ABLIM3: variants seen among roughly 807,000 people sequenced by gnomAD.
The protein encoded by ABLIM3 is actin binding LIM protein family member 3, also known as actin-binding LIM protein 3.
ABLIM3 carries 61 observed loss-of-function variants against 109.5 expected under a neutral mutation model. The ratio of observed to expected loss-of-function variants is 0.56; its 90% CI spans 0.45 to 0.69. The LOEUF (loss-of-function observed/expected upper bound fraction) is 0.69, where lower values mean the gene tolerates loss of function less well. Ranked by LOEUF, ABLIM3 falls within the 30% of genes least tolerant of loss-of-function variation. The probability of loss-of-function intolerance (pLI) is 0.00; values close to 1 mark genes in which losing one functional copy is unlikely to be tolerated. For synonymous variants in ABLIM3, 300 were observed against 324.8 expected (o/e 0.92, Z 0.82); for missense variants, 796 against 889.5 (o/e 0.89, Z 1.34).
chr5:149,251,178 A>G (rs1753888808), intron 20 of ABLIM3, among the ~76,000 whole-genome samples, 181 bp from the exon 21 acceptor site: 1 of 152,208 alleles, frequency 6.6e-6, no homozygotes, highest in East Asian at 1.9e-4. Flanking sequence ...AGTAGCCACC[A>G]TGTGCCAGGA....
chr5:149,185,843 A>G (rs1327280751), intron 3 of ABLIM3, among the ~76,000 whole-genome samples: 2 of 152,214 alleles, frequency 1.3e-5, no homozygotes, highest in South Asian at 2.1e-4. Flanking sequence ...TACGAAGGCT[A>G]AAAACGGAAA....
rs1282432591 is a variant in ABLIM3, at chr5:149,258,336, A to G, written c.1984A>G (p.Ile662Val). The part of the protein sequence containing the change: ...EEFYQVFGMT[I>V]SEFDRLALWK... ...GTTCTACCAAGTCTTTGGCATGACCATCTCTGAGTTTGACCGGCTGGCCCT... is the reference window on the plus strand; with the variant it reads ...GTTCTACCAAGTCTTTGGCATGACCGTCTCTGAGTTTGACCGGCTGGCCCT... Residue 662 changes from isoleucine to valine, a missense_variant, in exon 24 of 24, where the codon ATC (isoleucine) becomes GTC (valine). Coordinates refer to ENST00000309868, the MANE Select transcript of ABLIM3 (RefSeq NM_014945.5). 3.1e-6 allele frequency: 5 copies of G among 1,612,148 alleles called. No individual in the cohort carries two copies. Among genetic ancestry groups the G allele is most frequent in the Non-Finnish European group, 4.2e-6 (5 of 1,179,642 alleles).
chr5:149,171,442 G>T (rs971105890), intron 2 of ABLIM3, among the ~76,000 whole-genome samples: 1 of 152,180 alleles, frequency 6.6e-6, no homozygotes, highest in Admixed American at 6.5e-5. Flanking sequence ...CCATTTTATA[G>T]ATGGAGAAAC....
chr5:149,221,845 C>T (rs913245420), intron 8 of ABLIM3, among the ~76,000 whole-genome samples: 12 of 152,084 alleles, frequency 7.9e-5, no homozygotes, highest in African/African-American at 2.9e-4. Flanking sequence ...CTAAATGTGC[C>T]TGTACCCAGG....
chr5:149,173,988 C>T (rs542121823), intron 2 of ABLIM3, among the ~76,000 whole-genome samples: 2 of 144,120 alleles, frequency 1.4e-5, no homozygotes, highest in South Asian at 4.4e-4. Context: ...CGCCACTGCA[C>T]TCCAGCCTGG....
intron 8 of ABLIM3, 96 bp from the exon 9 acceptor site, chr5:149,230,553 A>G (rs1482494151): frequency 5.3e-6 from 7 of 1,318,228 alleles, no homozygotes; most frequent in African/African-American, 1.4e-5. Flanking sequence ...TGTGTAAGGG[A>G]CATACGCTGA....
intron 5 of ABLIM3, among the ~76,000 whole-genome samples, chr5:149,202,643 A>G (rs973401526): frequency 1.3e-5 from 2 of 152,244 alleles, no homozygotes; most frequent in Admixed American, 6.5e-5. Context: ...TTAAGCTACA[A>G]TTGTGATGTT....
chr5:149,163,900 G>A (rs1754601366), intron 2 of ABLIM3: 2 of 152,158 alleles, frequency 1.3e-5, no homozygotes, highest in South Asian at 4.1e-4. Context: ...TGCTTTTAGG[G>A]AAGATGGTTT....
intron 2 of ABLIM3, among the ~76,000 whole-genome samples, chr5:149,166,357 G>T (rs1392153227): frequency 6.6e-6 from 1 of 152,200 alleles, no homozygotes; most frequent in East Asian, 1.9e-4. Context: ...TTGGCATAGT[G>T]ATCATGCAGC....
chr5:149,166,499 G>A (rs1331815885), intron 2 of ABLIM3, among the ~76,000 whole-genome samples: 1 of 152,176 alleles, frequency 6.6e-6, no homozygotes, highest in Non-Finnish European at 1.5e-5. Context: ...ATGGGTAAGT[G>A]ACTTGCCCCA....
intron 2 of ABLIM3, among the ~76,000 whole-genome samples, chr5:149,145,805 A>C (rs1032007338): frequency 1.1e-4 from 13 of 115,552 alleles, no homozygotes; most frequent in Admixed American, 6.5e-4. Context: ...TTTTTTTTTG[A>C]GATAAGGTCT....
intron 2 of ABLIM3, among the ~76,000 whole-genome samples, chr5:149,157,260 C>T (rs951536697): frequency 6.6e-6 from 1 of 152,194 alleles, no homozygotes; most frequent in African/African-American, 2.4e-5. Context: ...GAATGATACT[C>T]AGACCAGAGA....
intron 8 of ABLIM3, chr5:149,217,765 C>T (rs1760243574): frequency 6.6e-6 from 1 of 152,262 alleles, no homozygotes. Flanking sequence ...AAAATCTTGC[C>T]AAGGTCCCAG....
In ABLIM3 at chr5:149,233,230, A is replaced by G. The variant is rs750006877; in HGVS notation, c.818A>G (p.His273Arg). 3.1e-6 allele frequency: 5 copies of G among 1,614,062 alleles called. No individual in the cohort carries two copies. The highest frequency in any genetic ancestry group is 2.7e-5 in the African/African-American group (2 of 74,934). Reference sequence around the variant, plus strand: ...TTTCTGTCTTCATCTCTCTCACAGCATAGACGGACATCTGAAACCTCCATC... The same window carrying G: ...TTTCTGTCTTCATCTCTCTCACAGCGTAGACGGACATCTGAAACCTCCATC... ...QAARAEKKLK[H>R]RRTSETSISP... Residue 273 changes from histidine (H) to arginine (R), a missense_variant and splice_region_variant, in exon 10 of 24, where the codon CAT becomes CGT. Coordinates refer to ENST00000309868, the MANE Select transcript of ABLIM3 (RefSeq NM_014945.5).
intron 3 of ABLIM3, among the ~76,000 whole-genome samples, chr5:149,192,647 A>G (rs1475022291): frequency 6.6e-6 from 1 of 150,922 alleles, no homozygotes; most frequent in Non-Finnish European, 1.5e-5. Flanking sequence ...GAAAAAAAAA[A>G]AAAAGAAAGA....
chr5:149,252,322 A>G, intron 22 of ABLIM3, 114 bp downstream of exon 22: 1 of 1,217,274 alleles, frequency 8.2e-7, no homozygotes, highest in Admixed American at 2.7e-5. Flanking sequence ...TAGATAAATA[A>G]CCCCAGGGGT....
chr5:149,222,090 C>G (rs1306426242), intron 8 of ABLIM3, among the ~76,000 whole-genome samples: 1 of 150,526 alleles, frequency 6.6e-6, no homozygotes, highest in Non-Finnish European at 1.5e-5. Flanking sequence ...ATAGGTCTCA[C>G]CAATAATAAT....
intron 2 of ABLIM3, among the ~76,000 whole-genome samples, chr5:149,143,653 G>A (rs747056592): frequency 3.5e-4 from 53 of 151,792 alleles, no homozygotes; most frequent in Non-Finnish European, 5.9e-4. Flanking sequence ...GCATATCTAT[G>A]CTAAGCTAGC....
intron 2 of ABLIM3, among the ~76,000 whole-genome samples, chr5:149,176,639 A>G (rs1446634476): frequency 6.6e-6 from 1 of 152,152 alleles, no homozygotes; most frequent in Non-Finnish European, 1.5e-5. Context: ...CGAGGGCTCA[A>G]TGAGATGACA....
Sources: allele counts gnomAD v4.1 joint callset (sites outside exome capture counted in the v4.1 genomes callset), GRCh38; gene constraint gnomAD v4.1.1; transcripts MANE v1.5; gene names NCBI Gene and HGNC (gene_info 2026-07-23, HGNC 2026-07-21).